Variants in PCDHA1 observed in about 807,000 individuals in gnomAD.
The protein encoded by PCDHA1 is protocadherin alpha 1.
A neutral mutation model predicts 61.3 loss-of-function variants in PCDHA1; 42 were observed. That is an observed-to-expected ratio of 0.69 (90% CI 0.54 to 0.89). The LOEUF is 0.89. Ranked by LOEUF, PCDHA1 falls within the 40% of genes least tolerant of loss-of-function variation. The probability of loss-of-function intolerance (pLI) is 0.00; values close to 1 mark genes in which losing one functional copy is unlikely to be tolerated. For missense variants in PCDHA1, 1,256 were observed against 1,235.3 expected (o/e 1.02, Z -0.25); for synonymous variants, 610 against 553.8 (o/e 1.10, Z -1.43).
intron 1 of PCDHA1, chr5:140,883,809 G>A (rs781801106): frequency 6.2e-7 from 1 of 1,612,420 alleles, no homozygotes; most frequent in East Asian, 2.2e-5. Context: ...CACGCGGAGA[G>A]CGGCAAGGTG....
At chr5:140,852,576 T>G in intron 1 of PCDHA1, 1 of 821,650 alleles carries the variant, frequency 1.2e-6, no homozygotes, top group Non-Finnish European at 1.5e-6. Flanking sequence ...GTGCCAAGGC[T>G]TTTTTATTTT....
intron 1 of PCDHA1, chr5:140,821,742 G>A (rs2150110366): frequency 9.6e-6 from 15 of 1,555,750 alleles, no homozygotes; most frequent in African/African-American, 1.4e-5. Flanking sequence ...GTGTGGTGAT[G>A]CAATAGAAAG....
At chr5:140,893,318 T>C (rs1329749503) in intron 1 of PCDHA1, among the ~76,000 whole-genome samples, 2 of 152,170 alleles carry the variant, frequency 1.3e-5, no homozygotes, top group African/African-American at 2.4e-5. Context: ...TTTGAGGGAC[T>C]CCCATACTGT....
chr5:140,849,863 G>T (rs2150454576), intron 1 of PCDHA1: 1 of 1,598,620 alleles, frequency 6.3e-7, no homozygotes, highest in East Asian at 2.2e-5. Flanking sequence ...CAGCGTTCGC[G>T]CAGTCCGAGT....
At chr5:140,835,076 G>C (rs2150230443) in intron 1 of PCDHA1, 808 of 1,210,720 alleles carry the variant, frequency 6.7e-4, no homozygotes, top group Non-Finnish European at 8.8e-4. Flanking sequence ...TACTCATCAC[G>C]GTACTGGACA....
chr5:140,909,545 C>T (rs2074570694), intron 1 of PCDHA1, among the ~76,000 whole-genome samples: 2 of 152,142 alleles, frequency 1.3e-5, no homozygotes, highest in African/African-American at 4.8e-5. Context: ...TTGATGGTGG[C>T]ACTAATCTCT....
At chr5:140,928,350 T>A in intron 1 of PCDHA1, 1 of 1,614,098 alleles carries the variant, frequency 6.2e-7, no homozygotes, top group Non-Finnish European at 8.5e-7. Context: ...AGCTGTTGGA[T>A]GTTATCTCTG....
chr5:140,876,674 A>T (rs782568001), intron 1 of PCDHA1: 38 of 1,614,024 alleles, frequency 2.4e-5, no homozygotes, highest in Non-Finnish European at 3.1e-5. Flanking sequence ...GTGTCCACCT[A>T]CAAGAATTAC....
At chr5:140,851,062 AGTGAGAATTATAAACT>A in intron 1 of PCDHA1, 1 of 1,372,160 alleles carries the variant, frequency 7.3e-7, no homozygotes, top group Non-Finnish European at 9.6e-7. Context: ...CTTGACTTCT[AGTGAGAATTATAAACT>A]GTATATTAAA....
intron 1 of PCDHA1, chr5:140,823,746 G>C: frequency 1.2e-6 from 2 of 1,613,840 alleles, no homozygotes; most frequent in Non-Finnish European, 1.7e-6. Flanking sequence ...GAGAGCCCCC[G>C]CTGACAGCCA....
At chr5:140,791,103 C>T (rs908992434) in intron 1 of PCDHA1, among the ~76,000 whole-genome samples, 1 of 152,146 alleles carries the variant, frequency 6.6e-6, no homozygotes, top group Non-Finnish European at 1.5e-5. Context: ...TTTGAGGGAC[C>T]TTAGAGACTT....
At chr5:140,892,242 C>A (rs1554185127) in intron 1 of PCDHA1, among the ~76,000 whole-genome samples, 3 of 152,034 alleles carry the variant, frequency 2.0e-5, no homozygotes, top group Non-Finnish European at 4.4e-5. Context: ...TCCACATAAA[C>A]CTGGTTATCT....
At chr5:140,809,115 C>A (rs17844284) in intron 1 of PCDHA1, 1 of 1,613,980 alleles carries the variant, frequency 6.2e-7, no homozygotes, top group Admixed American at 1.7e-5. Context: ...ACGGACGCTC[C>A]GCGCCACCGC....
rs2150270290 is a variant in PCDHA1, at chr5:140,836,802, A to T, written c.2394+48118A>T. ...CAATTAGTTCAATTGGTCTCCTTAA[A>T]TTTTCTTTCATAATTTCTTTTTTAG... is the stretch of plus-strand genomic sequence containing the variant. On this transcript the variant is annotated intron_variant, in intron 1 of 3. Coordinates refer to ENST00000504120, the MANE Select transcript of PCDHA1 (RefSeq NM_018900.4). 6 of 1,309,186 alleles carry T rather than the reference A, an allele frequency of 4.6e-6. No homozygotes were observed. In the African/African-American group the frequency reaches 7.5e-5, roughly 16 times the overall value. 81.1% of individuals were successfully genotyped at this position (1,309,186 alleles called of 1,614,324 possible). A position where few individuals can be genotyped will look rare whatever the true frequency, so the allele number is the denominator to read the frequency against.
At chr5:140,938,251 A>C (rs1015321564) in intron 1 of PCDHA1, among the ~76,000 whole-genome samples, 4 of 152,176 alleles carry the variant, frequency 2.6e-5, no homozygotes, top group Non-Finnish European at 5.9e-5. Context: ...TGGTCTTTTA[A>C]AAACTTTCTA....
At chr5:140,832,767 T>C (rs1197167280) in intron 1 of PCDHA1, among the ~76,000 whole-genome samples, 1 of 152,180 alleles carries the variant, frequency 6.6e-6, no homozygotes, top group Non-Finnish European at 1.5e-5. Context: ...AAGAATATTG[T>C]AAGAGGTGCT....
At chr5:140,869,582 C>T (rs936485472) in intron 1 of PCDHA1, 7 of 1,614,088 alleles carry the variant, frequency 4.3e-6, no homozygotes, top group Middle Eastern at 1.6e-4. Context: ...GCTTCTGATG[C>T]TGACATTGAA....
intron 1 of PCDHA1, chr5:140,801,726 T>C: frequency 6.2e-7 from 1 of 1,611,282 alleles, no homozygotes; most frequent in Non-Finnish European, 8.5e-7. Context: ...TTCCACTGAA[T>C]ATTTTACCTT....
rs143057294 is a variant in PCDHA1, at chr5:140,788,315, G to A, written c.2025G>A (p.Ala675=). 6.8e-6 allele frequency: 11 copies of A among 1,613,850 alleles called. No homozygotes were observed. The African/African-American group carries it at 9.3e-5, about 14-fold the overall frequency. The change falls in exon 1 of 4, where the codon GCG becomes GCA. Residue 675 remains alanine, a synonymous_variant. Transcript: ENST00000504120. ...VLVSLVESGQ[A]PKASSRASVG... ...TATCTCTGGTGGAGAGCGGCCAGGC[G>A]CCAAAGGCGTCTTCGCGGGCGTCGG...
Sources: gnomAD v4.1 joint callset for allele counts (sites outside exome capture counted in the v4.1 genomes callset) on GRCh38, gnomAD v4.1.1 for gene constraint, MANE v1.5 for transcripts, NCBI Gene and HGNC (gene_info 2026-07-23, HGNC 2026-07-21) for gene names.